The following MDGA2 variants were observed in gnomAD, a reference collection of about 807,000 sequenced individuals.
MDGA2 encodes MAM domain-containing glycosylphosphatidylinositol anchor protein 2.
Under a neutral mutation model 117.8 loss-of-function variants are expected in MDGA2, and 40 were observed. The observed-to-expected ratio is 0.34, with a 90% CI of 0.26 to 0.44. The LOEUF (loss-of-function observed/expected upper bound fraction) is 0.44. MDGA2 is among the 20% of genes least tolerant of loss of function. The probability of loss-of-function intolerance (pLI) is 1.00; values close to 1 mark genes in which losing one functional copy is unlikely to be tolerated. For missense variants in MDGA2, 1,123 were observed against 1,250.6 expected, an observed-to-expected ratio of 0.90 and a Z score of 1.54; for synonymous variants, 452 against 439.0, an observed-to-expected ratio of 1.03 and a Z score of -0.37.
At chr14:47,388,946 T>C (rs1001323038) in intron 1 of MDGA2, among the ~76,000 whole-genome samples, 1 of 152,204 alleles carries the variant, frequency 6.6e-6, no homozygotes, top group African/African-American at 2.4e-5. Context: ...TCATTCAAAC[T>C]AAAGGTCGTA....
At chr14:46,905,414 T>C (rs1883449885) in intron 10 of MDGA2, among the ~76,000 whole-genome samples, 1 of 152,166 alleles carries the variant, frequency 6.6e-6, no homozygotes, top group South Asian at 2.1e-4. Context: ...CCAAATTCCA[T>C]TTTACAGTTT....
At chr14:46,890,876 A>C (rs2138416841) in intron 10 of MDGA2, among the ~76,000 whole-genome samples, 1 of 152,286 alleles carries the variant, frequency 6.6e-6, no homozygotes, top group Middle Eastern at 3.4e-3. Context: ...AAAACATTGA[A>C]TCTAAAACTT....
At chr14:47,171,714 G>A (rs1884144799) in intron 3 of MDGA2, among the ~76,000 whole-genome samples, 1 of 152,198 alleles carries the variant, frequency 6.6e-6, no homozygotes, top group Non-Finnish European at 1.5e-5. Flanking sequence ...CCCAGCGTGA[G>A]CGACACAGAA....
chr14:47,515,365 A>C (rs1566493962), intron 1 of MDGA2, among the ~76,000 whole-genome samples: 1 of 152,170 alleles, frequency 6.6e-6, no homozygotes, highest in Non-Finnish European at 1.5e-5. Flanking sequence ...TGCACATATC[A>C]AGATGTAAAG....
chr14:47,311,685 T>C (rs1340069064), intron 1 of MDGA2, among the ~76,000 whole-genome samples: 2 of 151,256 alleles, frequency 1.3e-5, no homozygotes, highest in Non-Finnish European at 3.0e-5. Context: ...GTGTAATTCA[T>C]GTTATTTTTT....
chr14:47,543,376 C>G (rs953255568), intron 1 of MDGA2, among the ~76,000 whole-genome samples: 2 of 152,054 alleles, frequency 1.3e-5, no homozygotes, highest in Non-Finnish European at 2.9e-5. Flanking sequence ...ACATCAGGAA[C>G]GGAGTTCACT....
At chr14:47,140,869 T>G (rs544444737) in intron 4 of MDGA2, among the ~76,000 whole-genome samples, 1 of 152,058 alleles carries the variant, frequency 6.6e-6, no homozygotes, top group African/African-American at 2.4e-5. Flanking sequence ...AAGAAACAAC[T>G]TACAGAATGG....
At chr14:47,318,930 CTGAT>C (rs1400268235) in intron 1 of MDGA2, among the ~76,000 whole-genome samples, 1 of 152,156 alleles carries the variant, frequency 6.6e-6, no homozygotes, top group African/African-American at 2.4e-5. Flanking sequence ...CTTTTCCTAA[CTGAT>C]TGTCACTTGA....
intron 7 of MDGA2, among the ~76,000 whole-genome samples, chr14:47,036,978 T>C (rs1888878762): frequency 6.6e-6 from 1 of 152,254 alleles, no homozygotes; most frequent in Non-Finnish European, 1.5e-5. Flanking sequence ...ATATACATCC[T>C]AGAAATTGAC....
intron 1 of MDGA2, among the ~76,000 whole-genome samples, chr14:47,353,951 T>G (rs748886416): frequency 4.6e-5 from 7 of 152,164 alleles, no homozygotes; most frequent in Non-Finnish European, 8.8e-5. Context: ...AAAAGATCTT[T>G]CACCACAATT....
intron 1 of MDGA2, among the ~76,000 whole-genome samples, chr14:47,537,053 C>T (rs1470215675): frequency 6.6e-6 from 1 of 152,054 alleles, no homozygotes; most frequent in Non-Finnish European, 1.5e-5. Context: ...GCAGACTTAA[C>T]TGGTTAATCC....
chr14:47,159,637 A>G (rs942788454), intron 3 of MDGA2, among the ~76,000 whole-genome samples: 15 of 152,062 alleles, frequency 9.9e-5, no homozygotes, highest in Non-Finnish European at 2.2e-4. Context: ...GCTCTTCTAA[A>G]TTTTTGTGCA....
chr14:47,148,960 G>A (rs1425146769), intron 3 of MDGA2, among the ~76,000 whole-genome samples: 1 of 152,110 alleles, frequency 6.6e-6, no homozygotes, highest in Non-Finnish European at 1.5e-5. Context: ...TGTGATTCTG[G>A]AGTCTTAGAT....
chr14:47,427,651 G>C (rs1892718618), intron 1 of MDGA2, among the ~76,000 whole-genome samples: 1 of 152,096 alleles, frequency 6.6e-6, no homozygotes, highest in Non-Finnish European at 1.5e-5. Flanking sequence ...GGGAGACAGA[G>C]ACAGGGTCAA....
At chr14:47,379,567 C>A (rs1891563927) in intron 1 of MDGA2, among the ~76,000 whole-genome samples, 1 of 152,074 alleles carries the variant, frequency 6.6e-6, no homozygotes, top group African/African-American at 2.4e-5. Context: ...ACAGGGGTTA[C>A]AATCCTAGTC....
At chr14:47,448,456 TC>T (rs1407492730) in intron 1 of MDGA2, among the ~76,000 whole-genome samples, 1 of 151,734 alleles carries the variant, frequency 6.6e-6, no homozygotes, top group Non-Finnish European at 1.5e-5. Context: ...CTACTTTCAA[TC>T]CCCCCACTCC....
At chr14:47,656,285 T>C (rs978785119) in intron 1 of MDGA2, among the ~76,000 whole-genome samples, 22 of 152,304 alleles carry the variant, frequency 1.4e-4, no homozygotes, top group Middle Eastern at 3.4e-3. Flanking sequence ...CCTACATCTT[T>C]CCTATTGCAC....
chr14:47,459,561 T>TTTCC (rs1207476060), intron 1 of MDGA2, among the ~76,000 whole-genome samples: 1 of 150,016 alleles, frequency 6.7e-6, no homozygotes, highest in African/African-American at 2.4e-5. Flanking sequence ...TCCTTCCTTC[T>TTTCC]TTCCTTCCTT....
chr14:47,498,222 A>G (rs910801309), intron 1 of MDGA2, among the ~76,000 whole-genome samples: 3 of 152,144 alleles, frequency 2.0e-5, no homozygotes, highest in Admixed American at 1.3e-4. Context: ...CTTTTCTATC[A>G]ATATCCAGAT....
Sources: allele counts gnomAD v4.1 joint callset (sites outside exome capture counted in the v4.1 genomes callset), GRCh38; gene constraint gnomAD v4.1.1; transcripts MANE v1.5; gene names NCBI Gene and HGNC (gene_info 2026-07-23, HGNC 2026-07-21).